LRRTM4: variants seen among roughly 807,000 people sequenced by gnomAD.
LRRTM4 encodes leucine-rich repeat transmembrane neuronal protein 4.
In LRRTM4, 25 loss-of-function variants were observed where a neutral mutation model predicts 47.6. That is an observed-to-expected ratio of 0.53 (90% confidence interval 0.38 to 0.73). The LOEUF (loss-of-function observed/expected upper bound fraction) is 0.73. Ranked by LOEUF, LRRTM4 falls within the 30% of genes least tolerant of loss-of-function variation. LRRTM4 has a pLI of 0.00. For missense variants in LRRTM4, 638 were observed against 713.4 expected (o/e 0.89, Z 1.20); for synonymous variants, 311 against 269.5 (o/e 1.15, Z -1.51).
At chr2:76,986,783 C>T (rs1676814059) in intron 3 of LRRTM4, among the ~76,000 whole-genome samples, 1 of 151,926 alleles carries the variant, frequency 6.6e-6, no homozygotes, top group African/African-American at 2.4e-5. Context: ...AGCAAGTTTA[C>T]TCCTTGGACT....
intron 3 of LRRTM4, among the ~76,000 whole-genome samples, chr2:77,206,181 T>C (rs1196502030): frequency 5.4e-5 from 2 of 37,202 alleles, no homozygotes; most frequent in Non-Finnish European, 1.6e-4. Flanking sequence ...AAAATTCTAT[T>C]TTTTTTTTTT....
chr2:77,165,973 G>C (rs1672872742), intron 3 of LRRTM4, among the ~76,000 whole-genome samples: 1 of 152,156 alleles, frequency 6.6e-6, no homozygotes, highest in Non-Finnish European at 1.5e-5. Context: ...CAATCAGGCA[G>C]GAGAAAGAAA....
At chr2:77,300,513 G>A (rs1677106630) in intron 3 of LRRTM4, among the ~76,000 whole-genome samples, 1 of 151,994 alleles carries the variant, frequency 6.6e-6, no homozygotes, top group South Asian at 2.1e-4. Context: ...TTGTAATATA[G>A]AGTTTATAAT....
chr2:76,938,969 C>T (rs1675045045), intron 3 of LRRTM4, among the ~76,000 whole-genome samples: 1 of 151,856 alleles, frequency 6.6e-6, no homozygotes, highest in East Asian at 1.9e-4. Context: ...TTTTTTTCAT[C>T]ATAATTCTGT....
intron 3 of LRRTM4, among the ~76,000 whole-genome samples, chr2:76,958,671 A>C (rs2103906182): frequency 6.6e-6 from 1 of 151,874 alleles, no homozygotes; most frequent in East Asian, 2.0e-4. Flanking sequence ...ATTTGAATCA[A>C]GAAAATAGCT....
intron 3 of LRRTM4, among the ~76,000 whole-genome samples, chr2:77,254,108 T>C (rs1328332734): frequency 6.6e-6 from 1 of 151,972 alleles, no homozygotes; most frequent in Non-Finnish European, 1.5e-5. Flanking sequence ...TATGTATACC[T>C]ATAGATAAAG....
intron 3 of LRRTM4, among the ~76,000 whole-genome samples, chr2:77,266,232 T>C (rs780629463): frequency 6.6e-6 from 1 of 152,166 alleles, no homozygotes; most frequent in Non-Finnish European, 1.5e-5. Flanking sequence ...AGGAAGACTC[T>C]TTAAAACATG....
At chr2:77,457,846 T>C (rs1472446852) in intron 3 of LRRTM4, among the ~76,000 whole-genome samples, 1 of 152,116 alleles carries the variant, frequency 6.6e-6, no homozygotes, top group Non-Finnish European at 1.5e-5. Flanking sequence ...CTTATCATCA[T>C]GCCTCAGCTC....
intron 3 of LRRTM4, among the ~76,000 whole-genome samples, chr2:77,047,483 C>T (rs183416080): frequency 2.2e-4 from 34 of 152,068 alleles, no homozygotes; most frequent in East Asian, 1.8e-3. Flanking sequence ...AGCTGTTCTA[C>T]GCCCCTCCGT....
intron 3 of LRRTM4, among the ~76,000 whole-genome samples, chr2:77,019,286 AAGAC>A (rs1349312007): frequency 6.6e-6 from 1 of 151,250 alleles, no homozygotes; most frequent in African/African-American, 2.4e-5. Flanking sequence ...ATATAAGAAG[AAGAC>A]AGAGTGTATT....
intron 3 of LRRTM4, among the ~76,000 whole-genome samples, chr2:76,789,683 A>C (rs750145832): frequency 2.6e-5 from 4 of 152,066 alleles, no homozygotes; most frequent in Admixed American, 1.3e-4. Flanking sequence ...CAATCATGGA[A>C]AGACTCTGTA....
At chr2:77,310,159 A>G (rs1677412030) in intron 3 of LRRTM4, among the ~76,000 whole-genome samples, 1 of 152,176 alleles carries the variant, frequency 6.6e-6, no homozygotes, top group African/African-American at 2.4e-5. Context: ...CTAAGCTCAT[A>G]TGTTTATAAC....
At position 77,292,306 on chromosome 2, in the gene LRRTM4, A is replaced by G. The variant is rs1326406962; in HGVS notation, c.1551+226012T>C. Among the ~76,000 whole-genome samples, 52 of 151,336 alleles carry G rather than the reference A, an allele frequency of 3.4e-4. No individual in the cohort carries two copies. In the East Asian group the frequency reaches 1.0e-2, roughly 29 times the overall value. On this transcript the variant is annotated intron_variant, in intron 3 of 3. Coordinates refer to ENST00000409884, the MANE Select transcript of LRRTM4 (RefSeq NM_001134745.3). ...CAGTGTGGTGATTCCTCAGGGATCT[A>G]GAACTAGAAATACCATTTGACCCAG...
chr2:77,517,749 C>T (rs960872854), intron 3 of LRRTM4: 3 of 984,520 alleles, frequency 3.0e-6, no homozygotes, highest in Non-Finnish European at 3.6e-6. Context: ...CACAGTAGGC[C>T]TCTGACATTC....
At chr2:77,145,698 C>T (rs575059784) in intron 3 of LRRTM4, among the ~76,000 whole-genome samples, 4 of 151,792 alleles carry the variant, frequency 2.6e-5, no homozygotes, top group East Asian at 3.9e-4. Context: ...GGCGTGAACC[C>T]GGGAGGCGGA....
At chr2:76,766,473 G>C (rs1289884917) in intron 3 of LRRTM4, among the ~76,000 whole-genome samples, 1 of 152,088 alleles carries the variant, frequency 6.6e-6, no homozygotes, top group African/African-American at 2.4e-5. Context: ...CATGTCTTTG[G>C]ATTGCATATT....
intron 3 of LRRTM4, among the ~76,000 whole-genome samples, chr2:77,499,140 C>G (rs559581690): frequency 6.6e-6 from 1 of 151,818 alleles, no homozygotes; most frequent in Non-Finnish European, 1.5e-5. Context: ...TCTGGAGACA[C>G]CATTGGTTGT....
intron 3 of LRRTM4, among the ~76,000 whole-genome samples, chr2:77,176,992 G>A (rs552144105): frequency 1.3e-5 from 2 of 152,106 alleles, no homozygotes; most frequent in African/African-American, 2.4e-5. Flanking sequence ...ATCACATATG[G>A]TCTGAAAAAG....
intron 3 of LRRTM4, among the ~76,000 whole-genome samples, chr2:77,300,361 G>T (rs915118658): frequency 6.6e-6 from 1 of 151,970 alleles, no homozygotes; most frequent in African/African-American, 2.4e-5. Context: ...TTTAAACTTT[G>T]GTCAGAGTCC....
Sources: gnomAD v4.1 joint callset for allele counts (sites outside exome capture counted in the v4.1 genomes callset) on GRCh38, gnomAD v4.1.1 for gene constraint, MANE v1.5 for transcripts, NCBI Gene and HGNC (gene_info 2026-07-23, HGNC 2026-07-21) for gene names.